DOCK7: variants seen among roughly 807,000 people sequenced by gnomAD.
DOCK7 encodes the protein dedicator of cytokinesis 7.
A neutral mutation model predicts 271.0 loss-of-function variants in DOCK7; 138 were observed. The ratio of observed to expected loss-of-function variants is 0.51; its 90% CI spans 0.44 to 0.59. The LOEUF (loss-of-function observed/expected upper bound fraction) is 0.59. Ranked by LOEUF, DOCK7 falls within the 20% of genes least tolerant of loss-of-function variation. The pLI, the probability that DOCK7 is intolerant of heterozygous loss-of-function variation, is 0.00. For missense variants in DOCK7, 2,066 were observed against 2,592.4 expected, an observed-to-expected ratio of 0.80 and a Z score of 4.41; for synonymous variants, 823 against 876.1, an observed-to-expected ratio of 0.94 and a Z score of 1.07.
At chr1:62,582,009 TC>T (rs369425487) in intron 16 of DOCK7, among the ~76,000 whole-genome samples, 1 of 152,182 alleles carries the variant, frequency 6.6e-6, no homozygotes, top group Non-Finnish European at 1.5e-5. Flanking sequence ...GTTAAAAGGA[TC>T]ATTTGAAAGC....
At chr1:62,663,539 A>G (rs1206911539) in intron 1 of DOCK7, among the ~76,000 whole-genome samples, 1 of 152,182 alleles carries the variant, frequency 6.6e-6, no homozygotes, top group African/African-American at 2.4e-5. Context: ...ACTTTAAAGT[A>G]TAAGAATTAG....
chr1:62,591,289 G>A (rs1648406784), intron 14 of DOCK7, among the ~76,000 whole-genome samples: 1 of 152,108 alleles, frequency 6.6e-6, no homozygotes, highest in Non-Finnish European at 1.5e-5. Context: ...AGAAGTTGTA[G>A]CTAAATGATA....
At chr1:62,480,360 G>T (rs939747012) in intron 43 of DOCK7, among the ~76,000 whole-genome samples, 24 of 152,102 alleles carry the variant, frequency 1.6e-4, no homozygotes, top group Admixed American at 1.3e-3. Flanking sequence ...AATAATTAAT[G>T]GGTGTTTATT....
intron 14 of DOCK7, chr1:62,603,926 C>T: frequency 1.9e-6 from 3 of 1,595,756 alleles, no homozygotes; most frequent in Non-Finnish European, 2.6e-6. Context: ...AGTGTCCAAC[C>T]TGTACTTAAT....
chr1:62,544,818 G>A (rs1173635725), intron 23 of DOCK7, 129 bp downstream of exon 23: 1 of 670,454 alleles, frequency 1.5e-6, no homozygotes, highest in Admixed American at 3.3e-5. Context: ...AATGTGCTAA[G>A]TAAACAAAAA....
chr1:62,667,167 A>G (rs1659413631), intron 1 of DOCK7, among the ~76,000 whole-genome samples: 1 of 152,200 alleles, frequency 6.6e-6, no homozygotes, highest in South Asian at 2.1e-4. Flanking sequence ...CTCTCTAGTC[A>G]TTCTTCATGG....
At position 62,625,250 on chromosome 1, in the gene DOCK7, GAAC is replaced by G. The variant is rs1174736997; in HGVS notation, c.1425+6_1425+8del. 8.1e-6 allele frequency: 13 copies of G among 1,613,430 alleles called. No individual in the cohort carries two copies. The East Asian group carries it at 2.9e-4, about 36-fold the overall frequency. On this transcript the variant is annotated splice_donor_region_variant and intron_variant, in intron 12 of 49. Transcript: ENST00000635253. ...ATCTCCCCAAAATTCCTACATGACA[GAAC>G]AATACCTGCTTAAAAAAATTTGTCA...
chr1:62,472,900 C>T (rs1311832557), intron 48 of DOCK7, among the ~76,000 whole-genome samples: 4 of 152,214 alleles, frequency 2.6e-5, no homozygotes, highest in Non-Finnish European at 5.9e-5. Context: ...CAACATTTCA[C>T]ACCTGCTGTC....
intron 24 of DOCK7, 96 bp downstream of exon 24, chr1:62,543,560 G>T: frequency 1.2e-6 from 1 of 857,398 alleles, no homozygotes; most frequent in South Asian, 2.0e-5. Flanking sequence ...TGCAATTACT[G>T]TAAGTATCTC....
intron 8 of DOCK7, chr1:62,635,784 A>G (rs1655189394): frequency 6.6e-6 from 1 of 152,026 alleles, no homozygotes. Context: ...TTTAGTAGCA[A>G]TGGCGGGGCC....
At chr1:62,496,610 ATT>A in intron 37 of DOCK7, 113 bp from the exon 38 acceptor site, 1 of 1,019,790 alleles carries the variant, frequency 9.8e-7, no homozygotes, top group Non-Finnish European at 1.4e-6. Context: ...TAAGCAAAAT[ATT>A]TTTTAAAGTA....
At chr1:62,577,440 T>G (rs550187417) in intron 17 of DOCK7, 77 bp from the exon 18 acceptor site, 1 of 1,097,218 alleles carries the variant, frequency 9.1e-7, no homozygotes, top group South Asian at 2.4e-5. Context: ...TTTTAAGAAC[T>G]TGGTACAAGC....
intron 1 of DOCK7, among the ~76,000 whole-genome samples, chr1:62,684,223 A>AT (rs1344662055): frequency 4.6e-5 from 7 of 152,168 alleles, no homozygotes; most frequent in Non-Finnish European, 1.0e-4. Context: ...AAAAAAAAAA[A>AT]AAAAATCTGA....
At chr1:62,539,685 CAAATT>C in intron 26 of DOCK7, 27 bp from the exon 27 acceptor site, 1 of 1,610,126 alleles carries the variant, frequency 6.2e-7, no homozygotes, top group Non-Finnish European at 8.5e-7. Flanking sequence ...AAAACAAAAA[CAAATT>C]AAAGTATGAT....
chr1:62,529,333 T>C lies in DOCK7; in HGVS notation c.3725A>G (p.Tyr1242Cys). ...PQIKARVAML[Y>C]LPLIGIIMET... Reference sequence around the variant, plus strand: ...CATGATAATACCAATCAGAGGTAGATACAACATGGCCACTCGAGCCTTTAT... The same window carrying C: ...CATGATAATACCAATCAGAGGTAGACACAACATGGCCACTCGAGCCTTTAT... The change falls in exon 30 of 50, where the codon TAT (tyrosine) becomes TGT (cysteine). Residue 1242 changes from tyrosine (Y) to cysteine (C), a missense_variant. By Grantham distance (194) the Tyr-to-Cys change is radical (BLOSUM62 -2). This residue lies in a region of DOCK7 where 1,414 missense variants were observed against 1,670.4 expected (regional missense o/e 0.85). Coordinates refer to ENST00000635253, the MANE Select transcript of DOCK7 (RefSeq NM_001367561.1). 1.2e-6 allele frequency: 2 copies of C among 1,613,552 alleles called. No individual in the cohort carries two copies. The highest frequency in any genetic ancestry group is 1.7e-6 in the Non-Finnish European group (2 of 1,179,844).
intron 48 of DOCK7, among the ~76,000 whole-genome samples, chr1:62,467,004 T>C (rs1374742114): frequency 6.6e-6 from 1 of 152,146 alleles, no homozygotes; most frequent in Non-Finnish European, 1.5e-5. Flanking sequence ...ATTCAGCTTC[T>C]AGATCAAGGG....
At chr1:62,667,765 C>CCCAG (rs1181985778) in intron 1 of DOCK7, among the ~76,000 whole-genome samples, 1 of 152,098 alleles carries the variant, frequency 6.6e-6, no homozygotes, top group Non-Finnish European at 1.5e-5. Flanking sequence ...CGCCTGTAAT[C>CCCAG]CCAGCACTTT....
chr1:62,638,465 A>C (rs2149648444), intron 7 of DOCK7: 1 of 150,874 alleles, frequency 6.6e-6, no homozygotes, highest in Admixed American at 6.6e-5. Flanking sequence ...CTCTATCTGT[A>C]AAAAAAATTT....
intron 1 of DOCK7, chr1:62,687,596 C>T (rs970894191): frequency 1.3e-5 from 2 of 152,280 alleles, no homozygotes; most frequent in East Asian, 1.9e-4. Flanking sequence ...CAGCCCGCAG[C>T]TCTCAACTTT....
Sources: gnomAD v4.1 joint callset for allele counts (sites outside exome capture counted in the v4.1 genomes callset) on GRCh38, gnomAD v4.1.1 for gene constraint, gnomAD v4.1.1 regional missense constraint, MANE v1.5 for transcripts, NCBI Gene and HGNC (gene_info 2026-07-23, HGNC 2026-07-21) for gene names.